The following MS4A4E variants were observed in gnomAD, a reference collection of about 807,000 sequenced individuals.
MS4A4E encodes membrane spanning 4-domains A4E.
In MS4A4E, 23 loss-of-function variants were observed where a neutral mutation model predicts 13.3. That is an observed-to-expected ratio of 1.73 (90% CI 1.25 to 2.45). The LOEUF is 2.45. Ranked by LOEUF, MS4A4E falls within the 30% of genes most tolerant of loss-of-function variation. The probability of loss-of-function intolerance (pLI) is 0.00; values close to 1 mark genes in which losing one functional copy is unlikely to be tolerated. For synonymous variants in MS4A4E, 36 were observed against 45.6 expected, an observed-to-expected ratio of 0.79 and a Z score of 0.85; for missense variants, 144 against 131.2, an observed-to-expected ratio of 1.10 and a Z score of -0.48.
At chr11:60,229,830 G>T (rs1343482502) in intron 2 of MS4A4E, 82 bp downstream of exon 2, 17 of 1,392,632 alleles carry the variant, frequency 1.2e-5, no homozygotes, top group African/African-American at 2.9e-5. Flanking sequence ...GAGGCTAGCG[G>T]GACAGTGTAT....
chr11:60,214,440 C>G (rs1165326895), intron 4 of MS4A4E, 131 bp downstream of exon 4: 1 of 491,038 alleles, frequency 2.0e-6, no homozygotes, highest in Non-Finnish European at 3.4e-6. Flanking sequence ...TGAGACAGAT[C>G]CTGCTAAGTA....
chr11:60,210,340 A>G (rs2084104207), intron 5 of MS4A4E, among the ~76,000 whole-genome samples: 2 of 152,114 alleles, frequency 1.3e-5, no homozygotes, highest in Admixed American at 1.3e-4. Flanking sequence ...TGCTATAAAA[A>G]CAGGCATAAA....
intron 1 of MS4A4E, among the ~76,000 whole-genome samples, chr11:60,230,878 A>T (rs1237019255): frequency 6.6e-6 from 1 of 152,172 alleles, no homozygotes; most frequent in Admixed American, 6.5e-5. Flanking sequence ...AATTTTAGGG[A>T]AGTGAAGCTT....
At position 60,200,330 on chromosome 11, in the gene MS4A4E, T is replaced by TC. The variant is rs759489369; in HGVS notation, c.*1212dup. Among the ~76,000 whole-genome samples, 60 of 152,074 alleles carry TC rather than the reference T, an allele frequency of 3.9e-4. No individual in the cohort carries two copies. Among genetic ancestry groups the TC allele is most frequent in the Non-Finnish European group, 7.9e-4 (54 of 67,988 alleles). On this transcript the variant is annotated 3_prime_UTR_variant, in exon 9 of 9. Coordinates refer to ENST00000651255, the MANE Select transcript of MS4A4E (RefSeq NM_001393391.1). Reference sequence around the variant, plus strand: ...TTTTTATTGACCATTCTTGGGTGTTTCTCACAGAGGGGGATTTGGCAGGGT... The same window carrying TC: ...TTTTTATTGACCATTCTTGGGTGTTTCCTCACAGAGGGGGATTTGGCAGGGT...
intron 3 of MS4A4E, among the ~76,000 whole-genome samples, chr11:60,215,066 C>T (rs967245773): frequency 6.6e-6 from 1 of 152,110 alleles, no homozygotes; most frequent in Non-Finnish European, 1.5e-5. Flanking sequence ...ACTACTTCAT[C>T]TGAATCCATC....
At chr11:60,219,922 T>A (rs1025906190) in intron 3 of MS4A4E, among the ~76,000 whole-genome samples, 1 of 151,866 alleles carries the variant, frequency 6.6e-6, no homozygotes, top group Non-Finnish European at 1.5e-5. Context: ...CTCCAGTGGG[T>A]CCCCACACTC....
chr11:60,217,269 G>C (rs1456180251), intron 3 of MS4A4E, among the ~76,000 whole-genome samples: 1 of 152,128 alleles, frequency 6.6e-6, no homozygotes, highest in Non-Finnish European at 1.5e-5. Context: ...TGCAACAAAA[G>C]GTGCATGCAT....
chr11:60,210,349 A>T (rs564291581), intron 5 of MS4A4E, among the ~76,000 whole-genome samples: 2 of 152,276 alleles, frequency 1.3e-5, no homozygotes, highest in Admixed American at 6.5e-5. Flanking sequence ...AACAGGCATA[A>T]AAATGTTTAC....
intron 3 of MS4A4E, among the ~76,000 whole-genome samples, chr11:60,219,234 A>G (rs1162616946): frequency 6.6e-6 from 1 of 152,192 alleles, no homozygotes; most frequent in Non-Finnish European, 1.5e-5. Context: ...CTTTCTCTGT[A>G]TGCCAGATCT....
intron 1 of MS4A4E, among the ~76,000 whole-genome samples, chr11:60,232,907 C>T (rs954458463): frequency 1.3e-5 from 2 of 152,158 alleles, no homozygotes; most frequent in African/African-American, 4.8e-5. Context: ...GCTCCATGCC[C>T]CCATCTTAGT....
chr11:60,210,782 C>T (rs764859), intron 5 of MS4A4E, among the ~76,000 whole-genome samples: 30 of 152,086 alleles, frequency 2.0e-4, no homozygotes, highest in Non-Finnish European at 3.8e-4. Flanking sequence ...CAAGAAGAGA[C>T]TCATTGCTTC....
intron 3 of MS4A4E, among the ~76,000 whole-genome samples, chr11:60,214,884 A>G (rs1431208935): frequency 4.6e-5 from 7 of 152,178 alleles, no homozygotes; most frequent in Non-Finnish European, 1.0e-4. Flanking sequence ...GGACACTGAA[A>G]GATAAAGCTT....
chr11:60,206,110 T>G (rs590351), intron 6 of MS4A4E, among the ~76,000 whole-genome samples: 138,920 of 152,108 alleles, frequency 0.91, 63,579 homozygotes, highest in Non-Finnish European at 0.94. Flanking sequence ...AGGAAAAGGA[T>G]GGGGGAGAAG....
At chr11:60,212,379 G>A (rs1023890097) in intron 5 of MS4A4E, among the ~76,000 whole-genome samples, 11 of 148,162 alleles carry the variant, frequency 7.4e-5, no homozygotes, top group African/African-American at 2.3e-4. Flanking sequence ...GCACTATCTC[G>A]GCTCACTGCA....
At chr11:60,202,199 G>T (rs1214469771) in intron 8 of MS4A4E, among the ~76,000 whole-genome samples, 2 of 152,192 alleles carry the variant, frequency 1.3e-5, no homozygotes, top group Non-Finnish European at 2.9e-5. Context: ...AATACAAGTT[G>T]AGATGATCTA....
intron 4 of MS4A4E, 64 bp downstream of exon 4, chr11:60,214,507 C>G: frequency 1.7e-6 from 2 of 1,184,908 alleles, no homozygotes; most frequent in Non-Finnish European, 2.3e-6. Context: ...CTGTTTTATA[C>G]CCTGGCAGAA....
chr11:60,240,469 A>G (rs550331268), intron 1 of MS4A4E, among the ~76,000 whole-genome samples: 11 of 152,264 alleles, frequency 7.2e-5, no homozygotes, highest in African/African-American at 2.6e-4. Context: ...CCAAATGATC[A>G]AATGCAAAGA....
chr11:60,225,202 T>C, intron 3 of MS4A4E: 1 of 1,046,872 alleles, frequency 9.6e-7, no homozygotes, highest in African/African-American at 1.6e-5. Flanking sequence ...GATATAGTCA[T>C]ATGACCTTGA....
chr11:60,229,763 T>C, intron 2 of MS4A4E, 149 bp downstream of exon 2: 1 of 692,820 alleles, frequency 1.4e-6, no homozygotes, highest in East Asian at 3.1e-5. Flanking sequence ...ATATATTTTT[T>C]CAAAGAAAGG....
Sources: gnomAD v4.1 joint callset for allele counts (sites outside exome capture counted in the v4.1 genomes callset) on GRCh38, gnomAD v4.1.1 for gene constraint, MANE v1.5 for transcripts, NCBI Gene and HGNC (gene_info 2026-07-23, HGNC 2026-07-21) for gene names.